The following IPPK variants were observed in gnomAD, a reference collection of about 807,000 sequenced individuals.
IPPK encodes the protein IPK1 homolog.
Under a neutral mutation model 64.6 loss-of-function variants are expected in IPPK, and 22 were observed. The ratio of observed to expected loss-of-function variants is 0.34; its 90% CI spans 0.24 to 0.49. The LOEUF is 0.49. Among genes scored for constraint, IPPK ranks in the 20% least tolerant of loss-of-function variants. The probability of loss-of-function intolerance (pLI) is 0.99; values close to 1 mark genes in which losing one functional copy is unlikely to be tolerated. For synonymous variants in IPPK, 262 were observed against 247.2 expected (o/e 1.06, Z -0.56); for missense variants, 532 against 630.7 (o/e 0.84, Z 1.68).
chr9:92,647,487 T>C (rs1321573770), intron 6 of IPPK, among the ~76,000 whole-genome samples: 2 of 151,948 alleles, frequency 1.3e-5, no homozygotes, highest in Non-Finnish European at 2.9e-5. Flanking sequence ...CCCTTATGAT[T>C]CAAAAACCCT....
At position 92,616,053 on chromosome 9, in the gene IPPK, C is replaced by A. The variant is rs1479681242; in HGVS notation, c.1255G>T (p.Asp419Tyr). Residue 419 changes from aspartate (D) to tyrosine (Y), a missense_variant, in exon 13 of 13, where the codon GAT becomes TAT. Coordinates refer to ENST00000287996, the MANE Select transcript of IPPK (RefSeq NM_022755.6). ...GATGAAGGGACGACAGGCCTTTGAT[C>A]AGAGCTGCAAGTAAAAAGTACCATT... ...LSPCLQDASS[D>Y]QRPVVPSSRS... 4 of 1,612,608 alleles carry A rather than the reference C, an allele frequency of 2.5e-6. No individual in the cohort carries two copies. Among genetic ancestry groups the A allele is most frequent in the South Asian group, 1.1e-5 (1 of 90,876 alleles).
chr9:92,630,359 T>C (rs773216436), intron 11 of IPPK, among the ~76,000 whole-genome samples: 28 of 152,270 alleles, frequency 1.8e-4, no homozygotes, highest in Non-Finnish European at 4.0e-4. Flanking sequence ...AGTAGACAGG[T>C]AGTTGCCTAA....
chr9:92,647,943 T>C (rs767505526), intron 6 of IPPK, 116 bp downstream of exon 6: 6 of 654,670 alleles, frequency 9.2e-6, no homozygotes, highest in South Asian at 2.0e-5. Flanking sequence ...AAATAAAATG[T>C]CAACTAAAAA....
chr9:92,666,580 C>T (rs556314446), intron 1 of IPPK, among the ~76,000 whole-genome samples: 6 of 152,094 alleles, frequency 3.9e-5, no homozygotes, highest in African/African-American at 1.4e-4. Context: ...GCCAGGCTGC[C>T]GAGAGCCTCT....
chr9:92,665,806 CT>C (rs1852583591), intron 1 of IPPK, among the ~76,000 whole-genome samples: 1 of 151,626 alleles, frequency 6.6e-6, no homozygotes, highest in Non-Finnish European at 1.5e-5. Context: ...CAAAATCATG[CT>C]GTATGGCAAA....
At chr9:92,631,738 A>C (rs1851848855) in intron 11 of IPPK, among the ~76,000 whole-genome samples, 1 of 152,194 alleles carries the variant, frequency 6.6e-6, no homozygotes, top group South Asian at 2.1e-4. Flanking sequence ...ACAATCCACA[A>C]TCTTATTCAG....
Position 92,615,550 on chromosome 9 carries a change from G to A in IPPK, c.*282C>T. The A allele has an allele frequency of 2.7e-6, 1 of 373,146 alleles. No homozygotes were observed. Among genetic ancestry groups the A allele is most frequent in the Non-Finnish European group, 4.9e-6 (1 of 202,900 alleles). The allele number at this position is 373,146 out of a possible 1,614,324, so 23.1% of individuals were successfully genotyped here. A position where few individuals can be genotyped will look rare whatever the true frequency, so the allele number is the denominator to read the frequency against. On this transcript the variant is annotated 3_prime_UTR_variant, in exon 13 of 13. Coordinates refer to ENST00000287996, the MANE Select transcript of IPPK (RefSeq NM_022755.6). ...GAGAATCAGACATGAGCCCTGGTTG[G>A]GAAAGAAGAACTATCCAGAACGTCT... is the stretch of plus-strand genomic sequence containing the variant.
chr9:92,626,879 A>C (rs1239552686), intron 11 of IPPK, among the ~76,000 whole-genome samples: 1 of 152,030 alleles, frequency 6.6e-6, no homozygotes, highest in Non-Finnish European at 1.5e-5. Context: ...TCTTAACAGC[A>C]AAAACCAGAT....
At chr9:92,631,098 A>G (rs1355856762) in intron 11 of IPPK, among the ~76,000 whole-genome samples, 6 of 152,122 alleles carry the variant, frequency 3.9e-5, no homozygotes, top group African/African-American at 9.7e-5. Context: ...CAGATACTAC[A>G]CAACAGACAA....
At chr9:92,631,363 T>C (rs1453698731) in intron 11 of IPPK, among the ~76,000 whole-genome samples, 1 of 152,068 alleles carries the variant, frequency 6.6e-6, no homozygotes, top group African/African-American at 2.4e-5. Flanking sequence ...GCCTGGCTAA[T>C]TTTTGTATTT....
chr9:92,619,793 T>C (rs574963542), intron 11 of IPPK: 13 of 554,340 alleles, frequency 2.3e-5, no homozygotes, highest in African/African-American at 2.3e-4. Flanking sequence ...CACCGCCCCC[T>C]GACCTCTCAC....
intron 9 of IPPK, among the ~76,000 whole-genome samples, chr9:92,636,395 G>A (rs1587628258): frequency 6.6e-6 from 1 of 152,228 alleles, no homozygotes; most frequent in South Asian, 2.1e-4. Flanking sequence ...CTAACTTTCT[G>A]GGAGGCCAAT....
At position 92,615,705 on chromosome 9, in the gene IPPK, A is replaced by G. The variant is rs1851407791; in HGVS notation, c.*127T>C. The G allele has an allele frequency of 1.5e-6, 1 of 683,370 alleles. No homozygotes were observed. 42.3% of individuals were successfully genotyped at this position (683,370 alleles called of 1,614,324 possible). A position where few individuals can be genotyped will look rare whatever the true frequency, so the allele number is the denominator to read the frequency against. On this transcript the variant is annotated 3_prime_UTR_variant, in exon 13 of 13. Transcript: ENST00000287996. Reference sequence around the variant, plus strand: ...TTCAATTCCATGTCTCCAAGAGGCAATCCCACCTCAAAAGGGGTTAAAAGC... The same window carrying G: ...TTCAATTCCATGTCTCCAAGAGGCAGTCCCACCTCAAAAGGGGTTAAAAGC...
chr9:92,650,575 G>A (rs1046156685), intron 4 of IPPK, among the ~76,000 whole-genome samples: 1 of 152,144 alleles, frequency 6.6e-6, no homozygotes, highest in African/African-American at 2.4e-5. Context: ...AGAGGACCCA[G>A]AAGCTCATGC....
intron 11 of IPPK, among the ~76,000 whole-genome samples, chr9:92,622,406 C>T (rs1851657259): frequency 6.6e-6 from 1 of 152,094 alleles, no homozygotes; most frequent in Non-Finnish European, 1.5e-5. Flanking sequence ...CCAAAAGAAA[C>T]TATAATCGTT....
At chr9:92,619,908 G>A in intron 11 of IPPK, 1 of 326,072 alleles carries the variant, frequency 3.1e-6, no homozygotes, top group Admixed American at 3.8e-5. Flanking sequence ...AGCCACCTGA[G>A]CCCCGCATGT....
chr9:92,637,433 C>G (rs1401351297), intron 9 of IPPK, among the ~76,000 whole-genome samples: 2 of 152,200 alleles, frequency 1.3e-5, no homozygotes, highest in East Asian at 3.8e-4. Context: ...CATGGGGTCT[C>G]TATGGGCTGC....
At chr9:92,617,802 C>G (rs774072895) in intron 12 of IPPK, 14 of 186,674 alleles carry the variant, frequency 7.5e-5, no homozygotes, top group Non-Finnish European at 1.2e-4. Context: ...TGTGGCAGCT[C>G]TCTCCACAGT....
At chr9:92,633,314 G>A (rs1395662900) in intron 11 of IPPK, among the ~76,000 whole-genome samples, 1 of 148,794 alleles carries the variant, frequency 6.7e-6, no homozygotes. Flanking sequence ...CCCGGCCCAG[G>A]ATAACATTTT....
Sources: gnomAD v4.1 joint callset for allele counts (sites outside exome capture counted in the v4.1 genomes callset) on GRCh38, gnomAD v4.1.1 for gene constraint, MANE v1.5 for transcripts, NCBI Gene and HGNC (gene_info 2026-07-23, HGNC 2026-07-21) for gene names.